The following GNAI1 variants were observed in gnomAD, a reference collection of about 807,000 sequenced individuals.
GNAI1 encodes guanine nucleotide-binding protein G(i) subunit alpha-1.
A neutral mutation model predicts 38.9 loss-of-function variants in GNAI1; 11 were observed. That is an observed-to-expected ratio of 0.28 (90% CI 0.18 to 0.47). The LOEUF (loss-of-function observed/expected upper bound fraction) is 0.47. GNAI1 is among the 20% of genes least tolerant of loss of function. GNAI1 has a pLI of 0.99. For synonymous variants in GNAI1, 166 were observed against 145.1 expected (o/e 1.14, Z -1.04); for missense variants, 317 against 436.9 (o/e 0.73, Z 2.45).
At chr7:80,138,105 A>G (rs988177338) in intron 1 of GNAI1, among the ~76,000 whole-genome samples, 1 of 152,208 alleles carries the variant, frequency 6.6e-6, no homozygotes, top group East Asian at 1.9e-4. Context: ...GATCGTGTTC[A>G]TCTTCACTTA....
At position 80,226,098 on chromosome 7, in the gene GNAI1, G is replaced by GA. The variant is rs894073541; in HGVS notation, c.*8614dup. Among the ~76,000 whole-genome samples, 20 of 149,390 alleles carry GA rather than the reference G, an allele frequency of 1.3e-4. 2 individuals carry two copies. The South Asian group carries it at 4.0e-3, about 30-fold the overall frequency. On this transcript the variant is annotated 3_prime_UTR_variant, in exon 8 of 8. Transcript: ENST00000649796. The stretch of plus-strand genomic sequence containing the variant: ...TTTAAGTCCCTCTAACAATTATGAA[G>GA]AAAAAAAAAGACTAGATTTTATATC...
At chr7:80,183,420 A>G (rs1788332017) in intron 1 of GNAI1, among the ~76,000 whole-genome samples, 1 of 152,178 alleles carries the variant, frequency 6.6e-6, no homozygotes, top group Non-Finnish European at 1.5e-5. Flanking sequence ...AGTTTTATTC[A>G]GTGTTAACAT....
intron 1 of GNAI1, among the ~76,000 whole-genome samples, chr7:80,158,859 A>T (rs2116121931): frequency 6.6e-6 from 1 of 152,280 alleles, no homozygotes; most frequent in South Asian, 2.1e-4. Context: ...AGGACCTTTC[A>T]GCTATAATCT....
chr7:80,217,228 A>ATGAAACTGACTTCAGTTTCATCTGTC, intron 7 of GNAI1, 75 bp from the exon 8 acceptor site: 2 of 988,066 alleles, frequency 2.0e-6, no homozygotes, highest in Admixed American at 2.6e-5. Flanking sequence ...TTTCATATGT[A>ATGAAACTGACTTCAGTTTCATCTGTC]TGAAACTGAA....
chr7:80,216,609 G>T (rs1268751379), intron 7 of GNAI1, among the ~76,000 whole-genome samples: 2 of 152,066 alleles, frequency 1.3e-5, no homozygotes, highest in Admixed American at 1.3e-4. Context: ...CACTTCTTCT[G>T]TGTCTTCAGT....
At chr7:80,187,357 AT>A (rs1483147944) in intron 1 of GNAI1, 1 of 152,134 alleles carries the variant, frequency 6.6e-6, no homozygotes, top group Non-Finnish European at 1.5e-5. Flanking sequence ...TGGTTGGTTG[AT>A]TTTGTGTATA....
chr7:80,205,691 CCCA>C (rs1788763088), intron 5 of GNAI1, among the ~76,000 whole-genome samples: 1 of 151,820 alleles, frequency 6.6e-6, no homozygotes, highest in African/African-American at 2.4e-5. Context: ...CAACTCCATC[CCCA>C]CAATACCAAA....
Position 80,216,156 on chromosome 7 carries a change from TATA to T in GNAI1, c.875-1143_875-1141del, listed in dbSNP as rs556527630. ...TTACATTATATACATTAATGTATAT[TATA>T]ATATTATGTACATACATACATACGT... On this transcript the variant is annotated intron_variant, in intron 7 of 7. Transcript: ENST00000649796. Among the ~76,000 whole-genome samples the T allele has an allele frequency of 3.1e-3, 472 of 152,230 alleles. 5 individuals carry two copies. Among genetic ancestry groups the T allele is most frequent in the African/African-American group, 0.011 (449 of 41,518 alleles).
intron 5 of GNAI1, among the ~76,000 whole-genome samples, chr7:80,209,788 A>T (rs954191880): frequency 1.3e-5 from 2 of 152,096 alleles, no homozygotes; most frequent in African/African-American, 2.4e-5. Flanking sequence ...TATCATTTTA[A>T]TTTACTGTCA....
At chr7:80,143,499 A>G (rs1041003020) in intron 1 of GNAI1, among the ~76,000 whole-genome samples, 6 of 152,166 alleles carry the variant, frequency 3.9e-5, no homozygotes, top group Non-Finnish European at 5.9e-5. Context: ...TTTGCTATCT[A>G]TGAATTTAGT....
rs192298376 is a variant in GNAI1, at chr7:80,162,952, A to C, written c.119-25999A>C. On this transcript the variant is annotated intron_variant, in intron 1 of 7. Transcript: ENST00000649796. Reference sequence around the variant, plus strand: ...TAATCTTATTCTTGTCTTCCCACAAAATCTTTAAAGTGTTTGCTTTAAAAA... The same window carrying C: ...TAATCTTATTCTTGTCTTCCCACAACATCTTTAAAGTGTTTGCTTTAAAAA... Among the ~76,000 whole-genome samples, 463 of 152,288 alleles carry C rather than the reference A, an allele frequency of 3.0e-3. 3 individuals are homozygous for C. Among genetic ancestry groups the C allele is most frequent in the Non-Finnish European group, 4.9e-3 (331 of 68,026 alleles).
At chr7:80,137,879 T>C (rs1331110382) in intron 1 of GNAI1, among the ~76,000 whole-genome samples, 1 of 152,232 alleles carries the variant, frequency 6.6e-6, no homozygotes, top group Non-Finnish European at 1.5e-5. Context: ...GGCTTACTTA[T>C]TCCAGAAATT....
At position 80,160,652 on chromosome 7, in the gene GNAI1, C is replaced by T. The variant is rs1267202586; in HGVS notation, c.118+25374C>T. On this transcript the variant is annotated intron_variant, in intron 1 of 7. Transcript: ENST00000649796. ...TTTAAGCTGTTTGCCAGTGTATTAT[C>T]TGTTGTGATTTTGTCAGTTGTAACT... 2.6e-5 allele frequency among the ~76,000 whole-genome samples: 4 copies of T among 152,186 alleles called. No individual in the cohort carries two copies. In the South Asian group the frequency reaches 6.2e-4, roughly 24 times the overall value.
intron 3 of GNAI1, among the ~76,000 whole-genome samples, chr7:80,192,502 T>A (rs979988675): frequency 1.3e-5 from 2 of 152,192 alleles, no homozygotes; most frequent in African/African-American, 2.4e-5. Flanking sequence ...TGTGTTCTTT[T>A]TCCCCACATC....
At chr7:80,210,744 T>A (rs1216127417) in intron 5 of GNAI1, among the ~76,000 whole-genome samples, 2 of 149,108 alleles carry the variant, frequency 1.3e-5, no homozygotes, top group Non-Finnish European at 3.0e-5. Flanking sequence ...TTTTTTTTTT[T>A]TAGAGATACC....
rs781516184 is a variant in GNAI1 at position 80,203,701 on chromosome 7, C to G, written c.462-3C>G. ...ACATGTTGTTTTGTTTAATTTTTTT[C>G]AGCTATTTGAATGACTTGGACAGAA... On this transcript the variant is annotated splice_polypyrimidine_tract_variant and splice_region_variant and intron_variant, in intron 4 of 7. Transcript: ENST00000649796. The G allele has an allele frequency of 6.4e-7, 1 of 1,554,986 alleles. No homozygotes were observed. Among genetic ancestry groups the G allele is most frequent in the South Asian group, 1.2e-5 (1 of 83,950 alleles).
rs931264975 is a variant in GNAI1, at chr7:80,225,971, A to T, written c.*8478A>T. Among the ~76,000 whole-genome samples, 4 of 152,208 alleles carry T rather than the reference A, an allele frequency of 2.6e-5. No individual in the cohort carries two copies. The highest frequency in any genetic ancestry group is 2.6e-4 in the Admixed American group (4 of 15,286). On this transcript the variant is annotated 3_prime_UTR_variant, in exon 8 of 8. Coordinates refer to ENST00000649796, the MANE Select transcript of GNAI1 (RefSeq NM_002069.6). Reference sequence around the variant, plus strand: ...AAAGTTTACTATATTGGAATATGGGAATAAATTCATTTATAATTAGTTGAA... The same window carrying T: ...AAAGTTTACTATATTGGAATATGGGTATAAATTCATTTATAATTAGTTGAA...
Position 80,224,693 on chromosome 7 carries a change from CAT to C in GNAI1, c.*7202_*7203del, listed in dbSNP as rs559466635. The stretch of plus-strand genomic sequence containing the variant: ...GTGTGTTAACCCTCCATTTCACAAA[CAT>C]AGGAACTGCACAGACACAGCAGCCA... On this transcript the variant is annotated 3_prime_UTR_variant, in exon 8 of 8. Coordinates refer to ENST00000649796, the MANE Select transcript of GNAI1 (RefSeq NM_002069.6). Among the ~76,000 whole-genome samples the C allele has an allele frequency of 3.5e-4, 54 of 152,278 alleles. No individual in the cohort carries two copies. The highest frequency in any genetic ancestry group is 1.3e-3 in the African/African-American group (52 of 41,564).
At position 80,221,202 on chromosome 7, in the gene GNAI1, G is replaced by A. The variant is rs1324123986; in HGVS notation, c.*3709G>A. Reference sequence around the variant, plus strand: ...AATTTCTTATTAACTGGGAAAATCTGGGCAAATAATTTAGTTTTGCTCTGC... The same window carrying A: ...AATTTCTTATTAACTGGGAAAATCTAGGCAAATAATTTAGTTTTGCTCTGC... On this transcript the variant is annotated 3_prime_UTR_variant, in exon 8 of 8. Coordinates refer to ENST00000649796, the MANE Select transcript of GNAI1 (RefSeq NM_002069.6). Among the ~76,000 whole-genome samples the A allele has an allele frequency of 1.3e-5, 2 of 151,964 alleles. No individual in the cohort carries two copies. The highest frequency in any genetic ancestry group is 3.9e-4 in the East Asian group (2 of 5,188).
Sources: gnomAD v4.1 joint callset for allele counts (sites outside exome capture counted in the v4.1 genomes callset) on GRCh38, gnomAD v4.1.1 for gene constraint, MANE v1.5 for transcripts, NCBI Gene and HGNC (gene_info 2026-07-23, HGNC 2026-07-21) for gene names.